CDK5RAP2: variants seen among roughly 807,000 people sequenced by gnomAD.
The protein encoded by CDK5RAP2 is CDK5 regulatory subunit associated protein 2.
In CDK5RAP2, 147 loss-of-function variants were observed where a neutral mutation model predicts 232.9. The observed-to-expected ratio is 0.63, with a 90% CI of 0.55 to 0.72. The LOEUF (loss-of-function observed/expected upper bound fraction) is 0.72, where lower values mean the gene tolerates loss of function less well. CDK5RAP2 is among the 30% of genes least tolerant of loss of function. CDK5RAP2 has a pLI of 0.00. For missense variants in CDK5RAP2, 2,195 were observed against 2,231.5 expected (o/e 0.98, Z 0.33); for synonymous variants, 833 against 833.7 (o/e 1.00, Z 0.01).
chr9:120,520,796 T>G lies in CDK5RAP2; in HGVS notation c.1093-2151A>C, dbSNP rs188030966. On this transcript the variant is annotated intron_variant, in intron 11 of 37. Transcript: ENST00000349780. ...CAGATATCTCATGAGATATATCTCATATATCTCATGAGATATATCTCATAT... is the reference window on the plus strand; with the variant it reads ...CAGATATCTCATGAGATATATCTCAGATATCTCATGAGATATATCTCATAT... 7.4e-3 allele frequency among the ~76,000 whole-genome samples: 1,098 copies of G among 149,190 alleles called. 48 individuals carry two copies. The highest frequency in any genetic ancestry group is 0.054 in the Admixed American group (812 of 14,980).
At chr9:120,507,318 G>T (rs574549658) in intron 12 of CDK5RAP2, among the ~76,000 whole-genome samples, 1 of 152,110 alleles carries the variant, frequency 6.6e-6, no homozygotes, top group Non-Finnish European at 1.5e-5. Flanking sequence ...CCTGAGGGAC[G>T]TCTGTACCTT....
At chr9:120,399,370 A>C (rs115535984) in intron 35 of CDK5RAP2, among the ~76,000 whole-genome samples, 69 of 152,360 alleles carry the variant, frequency 4.5e-4, no homozygotes, top group African/African-American at 1.5e-3. Flanking sequence ...GTGTATAGAA[A>C]AAAAATCACT....
intron 23 of CDK5RAP2, 91 bp from the exon 24 acceptor site, chr9:120,440,063 T>C (rs2035811510): frequency 9.1e-7 from 1 of 1,098,074 alleles, no homozygotes; most frequent in Non-Finnish European, 1.4e-6. Context: ...CCAAGACCAC[T>C]GCAGTGACCT....
rs536583148 is a variant in CDK5RAP2 at position 120,411,902 on chromosome 9, C to T, written c.4298-428G>A. ...TGTTTCCTGCCTCAGGAGATGGTAT[C>T]GCCACAATCCCTAACCTAAGCTAGA... is the stretch of plus-strand genomic sequence containing the variant. On this transcript the variant is annotated intron_variant, in intron 28 of 37. Transcript: ENST00000349780. Among the ~76,000 whole-genome samples, 3 of 152,308 alleles carry T rather than the reference C, an allele frequency of 2.0e-5. No individual in the cohort carries two copies. In the East Asian group the frequency reaches 5.8e-4, roughly 29 times the overall value.
chr9:120,411,564 T>A, intron 28 of CDK5RAP2, 90 bp from the exon 29 acceptor site: 1 of 746,284 alleles, frequency 1.3e-6, no homozygotes, highest in Non-Finnish European at 2.4e-6. Flanking sequence ...AACAAAGAGT[T>A]AACACAACAT....
At chr9:120,467,829 A>G (rs956363714) in intron 18 of CDK5RAP2, 31 bp downstream of exon 18, 3 of 1,611,720 alleles carry the variant, frequency 1.9e-6, no homozygotes, top group African/African-American at 2.7e-5. Flanking sequence ...TATTTTTGTA[A>G]TCAGCACATG....
chr9:120,416,027 T>C lies in CDK5RAP2; in HGVS notation c.4178-868A>G, dbSNP rs142882368. Among the ~76,000 whole-genome samples, 33 of 151,978 alleles carry C rather than the reference T, an allele frequency of 2.2e-4. No homozygotes were observed. In the East Asian group the frequency reaches 4.6e-3, roughly 21 times the overall value. On this transcript the variant is annotated intron_variant, in intron 27 of 37. Transcript: ENST00000349780. ...AGATTGATAACATAATCACAACTTA[T>C]AGAAAAAAAAAATTCAGTTTCTCCC...
At chr9:120,559,590 CTT>C (rs1420735270) in intron 3 of CDK5RAP2, among the ~76,000 whole-genome samples, 1 of 109,080 alleles carries the variant, frequency 9.2e-6, no homozygotes, top group Non-Finnish European at 1.9e-5. Flanking sequence ...AAAAAAAAAA[CTT>C]GAGGTGGAAA....
rs185727629 is a variant in CDK5RAP2, at chr9:120,400,493, T to C, written c.5451+249A>G. ...AGTGCCTCAGCTCCCTGAGTCCTGG[T>C]TCCCTCATGTGTAGAATGCGGACGG... On this transcript the variant is annotated intron_variant, in intron 35 of 37. Transcript: ENST00000349780. Among the ~76,000 whole-genome samples the C allele has an allele frequency of 7.2e-5, 11 of 152,332 alleles. No individual in the cohort carries two copies. The East Asian group carries it at 2.1e-3, about 29-fold the overall frequency.
At chr9:120,503,264 C>G (rs2039659886) in intron 12 of CDK5RAP2, among the ~76,000 whole-genome samples, 1 of 152,320 alleles carries the variant, frequency 6.6e-6, no homozygotes, top group Non-Finnish European at 1.5e-5. Flanking sequence ...GGCCCTCCTT[C>G]TAATGAATGG....
intron 1 of CDK5RAP2, among the ~76,000 whole-genome samples, chr9:120,577,140 A>G (rs1162336358): frequency 6.6e-6 from 1 of 151,994 alleles, no homozygotes; most frequent in Non-Finnish European, 1.5e-5. Flanking sequence ...GGCAGGCACA[A>G]CACTTGAGGC....
At chr9:120,428,827 T>C (rs2035090860) in intron 25 of CDK5RAP2, among the ~76,000 whole-genome samples, 1 of 152,144 alleles carries the variant, frequency 6.6e-6, no homozygotes. Context: ...TAGACCAAAA[T>C]CCTTGATGAA....
intron 13 of CDK5RAP2, among the ~76,000 whole-genome samples, 165 bp downstream of exon 13, chr9:120,491,141 AC>A (rs2131635220): frequency 6.6e-6 from 1 of 152,296 alleles, no homozygotes; most frequent in Non-Finnish European, 1.5e-5. Context: ...GTTTCACCAC[AC>A]TTACCTCCCT....
chr9:120,389,196 C>T lies in CDK5RAP2; in HGVS notation c.*40G>A, dbSNP rs747014231. On this transcript the variant is annotated 3_prime_UTR_variant, in exon 38 of 38. Coordinates refer to ENST00000349780, the MANE Select transcript of CDK5RAP2 (RefSeq NM_018249.6). ...TTGGAACAAAGAGACAGCGTGAGCT[C>T]GGTGGGGGAAGCACAAGCTTTATTG... is the stretch of plus-strand genomic sequence containing the variant. The T allele has an allele frequency of 1.2e-5, 19 of 1,556,228 alleles. No homozygotes were observed. The highest frequency in any genetic ancestry group is 1.4e-5 in the Non-Finnish European group (16 of 1,131,624).
Position 120,536,647 on chromosome 9 carries a change from A to AATTGTAC in CDK5RAP2, c.508-128_508-122dup, listed in dbSNP as rs2041403524. ...TTCTCCAGCACATTTCCCCTCCCTGAATTGTACTATACATGGAGAGAATCA... is the reference window on the plus strand; with the variant it reads ...TTCTCCAGCACATTTCCCCTCCCTGAATTGTACATTGTACTATACATGGAGAGAATCA... On this transcript the variant is annotated intron_variant, in intron 6 of 37. Transcript: ENST00000349780. The AATTGTAC allele has an allele frequency of 3.2e-6, 3 of 941,316 alleles. No individual in the cohort carries two copies. The Admixed American group carries it at 6.0e-5, about 19-fold the overall frequency. The allele number at this position is 941,316 out of a possible 1,614,324, so 58.3% of individuals were successfully genotyped here.
chr9:120,456,390 T>G (rs1457743944), intron 20 of CDK5RAP2, among the ~76,000 whole-genome samples: 1 of 152,224 alleles, frequency 6.6e-6, no homozygotes, highest in Non-Finnish European at 1.5e-5. Context: ...CCTCCGATCT[T>G]TGCTGCCACT....
Position 120,439,912 on chromosome 9 carries a change from T to C in CDK5RAP2, c.3209A>G (p.Glu1070Gly). The C allele has an allele frequency of 6.2e-7, 1 of 1,614,162 alleles. No individual in the cohort carries two copies. The highest frequency in any genetic ancestry group is 8.5e-7 in the Non-Finnish European group (1 of 1,180,014). ...ASLPSCKENP[E>G]DVLSPTSVAT... ...TACTGAAGTTGGGCTCAGAACATCTTCAGGATTTTCTTTGCATGATGGCAA... is the reference window on the plus strand; with the variant it reads ...TACTGAAGTTGGGCTCAGAACATCTCCAGGATTTTCTTTGCATGATGGCAA... The change falls in exon 24 of 38, where the codon GAA becomes GGA. Residue 1070 changes from glutamate (E) to glycine (G), a missense_variant. Coordinates refer to ENST00000349780, the MANE Select transcript of CDK5RAP2 (RefSeq NM_018249.6).
intron 18 of CDK5RAP2, among the ~76,000 whole-genome samples, chr9:120,463,099 C>T (rs1025997065): frequency 6.6e-6 from 1 of 152,058 alleles, no homozygotes; most frequent in African/African-American, 2.4e-5. Context: ...GGGCCAGGCA[C>T]GGTGGCTCAC....
Position 120,491,296 on chromosome 9 carries a change from A to G in CDK5RAP2, c.1482+11T>C, listed in dbSNP as rs575525888. 1 of 1,606,388 alleles carries G rather than the reference A, an allele frequency of 6.2e-7. No individual in the cohort carries two copies. The highest frequency in any genetic ancestry group is 1.3e-5 in the African/African-American group (1 of 74,894). The stretch of plus-strand genomic sequence containing the variant: ...CCAAATTAAAAAATTTAAATACAAA[A>G]GTTACAGTACCTGAAGCAACACGTC... On this transcript the variant is annotated intron_variant, in intron 13 of 37. Transcript: ENST00000349780.
Sources: gnomAD v4.1 joint callset for allele counts (sites outside exome capture counted in the v4.1 genomes callset) on GRCh38, gnomAD v4.1.1 for gene constraint, MANE v1.5 for transcripts, NCBI Gene and HGNC (gene_info 2026-07-23, HGNC 2026-07-21) for gene names.